The following DBN1 variants were observed in gnomAD, a reference collection of about 807,000 sequenced individuals.
DBN1 encodes drebrin.
In DBN1, 21 loss-of-function variants were observed where a neutral mutation model predicts 83.5. That is an observed-to-expected ratio of 0.25 (90% CI 0.18 to 0.36). The LOEUF (loss-of-function observed/expected upper bound fraction) is 0.36. Ranked by LOEUF, DBN1 falls within the 10% of genes least tolerant of loss-of-function variation. The probability of loss-of-function intolerance (pLI) is 1.00; values close to 1 mark genes in which losing one functional copy is unlikely to be tolerated. For missense variants in DBN1, 874 were observed against 935.7 expected (o/e 0.93, Z 0.86); for synonymous variants, 381 against 384.9 (o/e 0.99, Z 0.12).
chr5:177,467,362 G>C lies in DBN1; in HGVS notation c.478-30C>G. The C allele has an allele frequency of 6.2e-7, 1 of 1,614,010 alleles. No homozygotes were observed. On this transcript the variant is annotated intron_variant, in intron 5 of 14. Transcript: ENST00000393565. The surrounding 1 kb of genome is among the most constrained non-coding windows in gnomAD (Gnocchi z 9.1). ...AGTGTCGAAGGACCCAGCATAAGCAGGCTGAATGCCCCAGGAACCCCCGAC... is the reference window on the plus strand; with the variant it reads ...AGTGTCGAAGGACCCAGCATAAGCACGCTGAATGCCCCAGGAACCCCCGAC...
At chr5:177,461,967 CTT>C (rs1206568237) in intron 8 of DBN1, among the ~76,000 whole-genome samples, 1 of 152,222 alleles carries the variant, frequency 6.6e-6, no homozygotes, top group Non-Finnish European at 1.5e-5. Context: ...CCCAGTTTCT[CTT>C]GAGGTGACAG....
At chr5:177,472,298 C>A in intron 1 of DBN1, 1 of 1,575,496 alleles carries the variant, frequency 6.3e-7, no homozygotes, top group Non-Finnish European at 8.6e-7. Flanking sequence ...AAGCGGGGTC[C>A]CTCAGACCTG....
chr5:177,457,514 A>C lies in DBN1; in HGVS notation c.2018-11T>G. On this transcript the variant is annotated splice_polypyrimidine_tract_variant and intron_variant, in intron 14 of 14. Coordinates refer to ENST00000393565, the MANE Select transcript of DBN1 (RefSeq NM_001363541.2). ...ATGTGATGTCGATCTCTGTGGCGTT[A>C]GAAAGGGAGAGGAGTTAGGGACCTA... 1 of 1,613,634 alleles carries C rather than the reference A, an allele frequency of 6.2e-7. No homozygotes were observed. Among genetic ancestry groups the C allele is most frequent in the Non-Finnish European group, 8.5e-7 (1 of 1,179,516 alleles).
chr5:177,472,286 C>T (rs1336480767), intron 1 of DBN1: 2 of 1,594,536 alleles, frequency 1.3e-6, no homozygotes, highest in Non-Finnish European at 1.7e-6. Flanking sequence ...TGAGGCCAGC[C>T]CAAGCGGGGT....
In DBN1 at chr5:177,458,161, T is replaced by C. The variant is rs760137265; in HGVS notation, c.1811A>G (p.Gln604Arg). 1 of 1,612,784 alleles carries C rather than the reference T, an allele frequency of 6.2e-7. No homozygotes were observed. Among genetic ancestry groups the C allele is most frequent in the South Asian group, 1.1e-5 (1 of 91,068 alleles). The stretch of plus-strand genomic sequence containing the variant: ...AAGGGCTGAGGGCAGAGTTGGGGTC[T>C]GGGGGGCAGCCAGGGACTCCCCTTC... ...EVEGESLAAP[Q>R]TPTLPSALEE... Residue 604 changes from glutamine to arginine, a missense_variant, in exon 13 of 15, where the codon CAG becomes CGG. This residue lies in a region of DBN1 where 725 missense variants were observed against 719.7 expected (regional missense o/e 1.01). Transcript: ENST00000393565.
intron 1 of DBN1, among the ~76,000 whole-genome samples, chr5:177,470,543 G>C (rs1757769197): frequency 6.6e-6 from 1 of 152,014 alleles, no homozygotes; most frequent in South Asian, 2.1e-4. Flanking sequence ...CTTTCCATTG[G>C]ACCACCCTGT....
At chr5:177,472,292 G>A in intron 1 of DBN1, 9 of 1,587,994 alleles carry the variant, frequency 5.7e-6, no homozygotes, top group African/African-American at 2.7e-5. Flanking sequence ...CAGCCCAAGC[G>A]GGGTCCCTCA....
Position 177,457,773 on chromosome 5 carries a change from T to A in DBN1, c.1915-16A>T. 1 of 1,543,878 alleles carries A rather than the reference T, an allele frequency of 6.5e-7. No homozygotes were observed. Among genetic ancestry groups the A allele is most frequent in the Non-Finnish European group, 8.9e-7 (1 of 1,118,742 alleles). On this transcript the variant is annotated splice_polypyrimidine_tract_variant and intron_variant, in intron 13 of 14. Transcript: ENST00000393565. ...CCTCACTGGCCTGCAGGGGAAAGCA[T>A]CAGGTCACTTGGCCCCACCCAGCAG... is the stretch of plus-strand genomic sequence containing the variant.
rs1757601188 is a variant in DBN1, at chr5:177,468,149, C to T, written c.214G>A (p.Asp72Asn). Residue 72 changes from aspartate to asparagine, a missense_variant, in exon 3 of 15, where the codon GAC (aspartate) becomes AAC (asparagine). Asp to Asn is a conservative substitution (Grantham distance 23). This residue lies in a region of DBN1 where 82 missense variants were observed against 101.7 expected (regional missense o/e 0.81). Coordinates refer to ENST00000393565, the MANE Select transcript of DBN1 (RefSeq NM_001363541.2). ...KVMYGFCSVK[D>N]SQAALPKYVL... ...TATTTTGGCAGAGCAGCTTGGGAGT[C>T]CTTGACACTGCAGAAGCCGTACATC... The T allele has an allele frequency of 6.2e-7, 1 of 1,614,088 alleles. No individual in the cohort carries two copies. The highest frequency in any genetic ancestry group is 2.2e-5 in the East Asian group (1 of 44,876).
rs1178751017 is a variant in DBN1 at position 177,458,078 on chromosome 5, T to G, written c.1894A>C (p.Thr632Pro). Residue 632 changes from threonine (T) to proline (P), a missense_variant, in exon 13 of 15, where the codon ACC becomes CCC. Coordinates refer to ENST00000393565, the MANE Select transcript of DBN1 (RefSeq NM_001363541.2). Reference protein sequence around the residue: ...EPHLLTNGETTQKEGTQASEG... With the variant: ...EPHLLTNGETPQKEGTQASEG... ...CGCACCTGGGTCCCCTCCTTCTGGG[T>G]GGTCTCGCCATTGGTTAGCAGGTGG... The G allele has an allele frequency of 1.2e-6, 2 of 1,613,550 alleles. No individual in the cohort carries two copies. Among genetic ancestry groups the G allele is most frequent in the Non-Finnish European group, 1.7e-6 (2 of 1,179,932 alleles).
At chr5:177,472,491 G>T in intron 1 of DBN1, 1 of 1,097,428 alleles carries the variant, frequency 9.1e-7, no homozygotes, top group Non-Finnish European at 1.2e-6. Flanking sequence ...TGGGCCGCCA[G>T]CCCCAGAGCA....
chr5:177,465,119 C>G (rs549116745), intron 8 of DBN1, among the ~76,000 whole-genome samples: 4 of 152,246 alleles, frequency 2.6e-5, no homozygotes, highest in Admixed American at 2.6e-4. Flanking sequence ...CGCCACTGCA[C>G]TCCGGCCTGG....
At position 177,460,472 on chromosome 5, in the gene DBN1, C is replaced by G. The variant is rs762017863; in HGVS notation, c.915G>C (p.Ala305=). 1.2e-6 allele frequency: 2 copies of G among 1,614,000 alleles called. No individual in the cohort carries two copies. Among genetic ancestry groups the G allele is most frequent in the African/African-American group, 2.7e-5 (2 of 74,898 alleles). The change falls in exon 10 of 15, where the codon GCG becomes GCC. Residue 305 remains alanine, a synonymous_variant. Transcript: ENST00000393565. ...AGGGCGAGGGTACATCACAGCTGCC[C>G]GCAGAGGCCGATGCGACTCTTTCCT... ...KQQERVASAS[A]GSCDVPSPFN...
Position 177,472,249 on chromosome 5 carries a change from C to T in DBN1, c.86+1187G>A, listed in dbSNP as rs945228400. 6 of 1,612,148 alleles carry T rather than the reference C, an allele frequency of 3.7e-6. No homozygotes were observed. In the African/African-American group the frequency reaches 8.0e-5, roughly 22 times the overall value. ...CCAGAAGCCCCCAGGTCAGAGTCCC[C>T]ACCTGGCTGCCCTCCCAGTGTGCGG... is the stretch of plus-strand genomic sequence containing the variant. On this transcript the variant is annotated intron_variant, in intron 1 of 14. Coordinates refer to ENST00000393565, the MANE Select transcript of DBN1 (RefSeq NM_001363541.2).
intron 1 of DBN1, chr5:177,472,888 C>T: frequency 1.0e-6 from 1 of 978,126 alleles, no homozygotes; most frequent in Non-Finnish European, 1.2e-6. Context: ...GGGCGGCCCA[C>T]TCCGAGAGGC....
chr5:177,457,799 G>T (rs1756639222), intron 13 of DBN1, 42 bp from the exon 14 acceptor site: 1 of 1,319,140 alleles, frequency 7.6e-7, no homozygotes, highest in Non-Finnish European at 1.1e-6. Flanking sequence ...CACCCAGCAG[G>T]ACTGGGGCTG....
chr5:177,472,928 G>A (rs1441891469), intron 1 of DBN1: 1 of 725,470 alleles, frequency 1.4e-6, no homozygotes, highest in Non-Finnish European at 1.7e-6. Context: ...CCGGCCCCCA[G>A]CCCGCTCCGC....
intron 2 of DBN1, 119 bp downstream of exon 2, chr5:177,468,725 G>T: frequency 1.7e-6 from 1 of 596,280 alleles, no homozygotes; most frequent in South Asian, 5.6e-5. Context: ...GCCAGATCCA[G>T]ACAAGTGTGG....
chr5:177,460,905 G>A (rs976049570), intron 8 of DBN1, among the ~76,000 whole-genome samples: 24 of 151,032 alleles, frequency 1.6e-4, no homozygotes, highest in African/African-American at 5.4e-4. Flanking sequence ...TCAGCCTCCC[G>A]AGTAGCTGGG....
Sources: gnomAD v4.1 joint callset for allele counts (sites outside exome capture counted in the v4.1 genomes callset) on GRCh38, gnomAD v4.1.1 for gene constraint, gnomAD v4.1.1 regional missense constraint, Gnocchi (gnomAD v3.1) non-coding constraint, MANE v1.5 for transcripts, NCBI Gene and HGNC (gene_info 2026-07-23, HGNC 2026-07-21) for gene names.